The following SLC37A1 variants were observed in gnomAD, a reference collection of about 807,000 sequenced individuals.
SLC37A1 encodes solute carrier family 37 member 1.
In SLC37A1, 49 loss-of-function variants were observed where a neutral mutation model predicts 75.3. The ratio of observed to expected loss-of-function variants is 0.65; its 90% confidence interval spans 0.52 to 0.83. The LOEUF (loss-of-function observed/expected upper bound fraction) is 0.83, where lower values mean the gene tolerates loss of function less well. SLC37A1 is among the 40% of genes least tolerant of loss of function. SLC37A1 has a pLI of 0.00. For missense variants in SLC37A1, 566 were observed against 695.0 expected (o/e 0.81, Z 2.09); for synonymous variants, 268 against 292.1 (o/e 0.92, Z 0.84).
chr21:42,503,981 C>G (rs568689501), intron 2 of SLC37A1, among the ~76,000 whole-genome samples: 2 of 152,310 alleles, frequency 1.3e-5, no homozygotes, highest in East Asian at 1.9e-4. Flanking sequence ...GTGCTGTTAT[C>G]TATGACCCCA....
intron 10 of SLC37A1, among the ~76,000 whole-genome samples, chr21:42,555,054 C>T (rs1466691458): frequency 3.4e-5 from 5 of 146,308 alleles, no homozygotes; most frequent in South Asian, 2.2e-4. Context: ...GGCATGATCT[C>T]GGCTCACTGC....
chr21:42,543,681 T>G lies in SLC37A1; in HGVS notation c.730+79T>G, dbSNP rs545180046. ...TGCCTGGGTGGGCCTTGGGGGCGAG[T>G]GTGAGAGCTGCGTGGCCTAGCGCCC... On this transcript the variant is annotated intron_variant, in intron 8 of 19. Transcript: ENST00000352133. 7 of 1,435,492 alleles carry G rather than the reference T, an allele frequency of 4.9e-6. No individual in the cohort carries two copies. The Admixed American group carries it at 1.6e-4, about 33-fold the overall frequency. 88.9% of individuals were successfully genotyped at this position (1,435,492 alleles called of 1,614,324 possible).
chr21:42,513,939 C>G lies in SLC37A1; in HGVS notation c.-957C>G, dbSNP rs1018309821. ...CGGCGGCGCAGGTGAGGCGCGGGGC[C>G]GGGGCCGGACCGGGAGGCGGGGACC... On this transcript the variant is annotated 5_prime_UTR_variant, in exon 1 of 20. Transcript: ENST00000352133. The G allele has an allele frequency of 9.6e-5, 14 of 146,548 alleles. No individual in the cohort carries two copies. The highest frequency in any genetic ancestry group is 3.4e-4 in the African/African-American group (14 of 40,866). The allele number at this position is 146,548 out of a possible 1,614,324, so 9.1% of individuals were successfully genotyped here. A position where few individuals can be genotyped will look rare whatever the true frequency, so the allele number is the denominator to read the frequency against.
At position 42,539,550 on chromosome 21, in the gene SLC37A1, T is replaced by C; in HGVS notation, c.389T>C (p.Leu130Pro). Reference sequence around the variant, plus strand: ...GAGCGCCTGCCGATTAGGTATTACCTAACTTTCGGGATGCTCGCCAGCGGA... The same window carrying C: ...GAGCGCCTGCCGATTAGGTATTACCCAACTTTCGGGATGCTCGCCAGCGGA... ...IGERLPIRYY[L>P]TFGMLASGAF... Residue 130 changes from leucine (L) to proline (P), a missense_variant, in exon 6 of 20, where the codon CTA becomes CCA. By Grantham distance (98) the Leu-to-Pro change is moderately conservative. Coordinates refer to ENST00000352133, the MANE Select transcript of SLC37A1 (RefSeq NM_001320537.2). 1.2e-6 allele frequency: 2 copies of C among 1,613,954 alleles called. No individual in the cohort carries two copies. The highest frequency in any genetic ancestry group is 4.5e-5 in the East Asian group (2 of 44,818).
At chr21:42,534,913 T>TGCTAAA in intron 4 of SLC37A1, 83 bp downstream of exon 4, 1 of 1,487,358 alleles carries the variant, frequency 6.7e-7, no homozygotes, top group Non-Finnish European at 9.0e-7. Context: ...GCAGTAATGC[T>TGCTAAA]GTTCCCAGAT....
chr21:42,562,979 G>A (rs1489196353), intron 12 of SLC37A1, among the ~76,000 whole-genome samples: 1 of 152,200 alleles, frequency 6.6e-6, no homozygotes, highest in African/African-American at 2.4e-5. Context: ...AGAGGAGGAT[G>A]CTGGCAGCAC....
At chr21:42,574,045 A>G (rs903515458) in intron 17 of SLC37A1, among the ~76,000 whole-genome samples, 7 of 152,336 alleles carry the variant, frequency 4.6e-5, no homozygotes, top group Non-Finnish European at 8.8e-5. Flanking sequence ...ATGCACACAC[A>G]CATATATGCA....
At chr21:42,536,654 G>A (rs2146850192) in intron 5 of SLC37A1, among the ~76,000 whole-genome samples, 1 of 152,342 alleles carries the variant, frequency 6.6e-6, no homozygotes, top group Non-Finnish European at 1.5e-5. Flanking sequence ...ATGTGGTGGA[G>A]GGCGTCACCT....
chr21:42,566,911 C>T, intron 15 of SLC37A1, 74 bp from the exon 16 acceptor site: 1 of 1,506,508 alleles, frequency 6.6e-7, no homozygotes, highest in South Asian at 1.2e-5. Flanking sequence ...CAGGCGCCCA[C>T]CTCAGGCTGC....
upstream of SLC37A1, among the ~76,000 whole-genome samples, chr21:42,513,488 C>CA (rs1252765817): frequency 3.3e-5 from 5 of 152,022 alleles, no homozygotes; most frequent in Non-Finnish European, 7.4e-5. Flanking sequence ...GGCGCGGCGG[C>CA]ATGTGACCCT....
chr21:42,518,323 A>G lies in SLC37A1; in HGVS notation c.-132A>G, dbSNP rs1356305571. The G allele has an allele frequency of 2.7e-6, 3 of 1,127,340 alleles. No homozygotes were observed. Among genetic ancestry groups the G allele is most frequent in the African/African-American group, 3.1e-5 (2 of 65,542 alleles). 69.8% of individuals were successfully genotyped at this position (1,127,340 alleles called of 1,614,324 possible). A position where few individuals can be genotyped will look rare whatever the true frequency, so the allele number is the denominator to read the frequency against. On this transcript the variant is annotated 5_prime_UTR_variant, in exon 2 of 20. Transcript: ENST00000352133. ...GGAAGGGGACAAGACCCAGCAGGAC[A>G]CCTTCTTTCCACGCTTTCCAGCCTG...
rs369458325 is a variant in SLC37A1, at chr21:42,520,388, G to A, written c.56+1878G>A. Among the ~76,000 whole-genome samples, 193 of 152,188 alleles carry A rather than the reference G, an allele frequency of 1.3e-3. 3 individuals carry two copies. The South Asian group carries it at 0.023, about 18-fold the overall frequency. On this transcript the variant is annotated intron_variant, in intron 2 of 19. Transcript: ENST00000352133. ...AGACAATGGCCTTGTTGTGTTTGAA[G>A]AGTTCAAGCCACTTATTTTATAGAA...
At chr21:42,567,315 C>T (rs933350692) in intron 16 of SLC37A1, among the ~76,000 whole-genome samples, 2 of 152,200 alleles carry the variant, frequency 1.3e-5, no homozygotes, top group African/African-American at 2.4e-5. Flanking sequence ...ATGACTCAGG[C>T]GCCTTTTCAA....
chr21:42,507,648 G>A (rs934053641), intron 2 of SLC37A1, among the ~76,000 whole-genome samples: 11 of 152,336 alleles, frequency 7.2e-5, no homozygotes, highest in Admixed American at 3.9e-4. Flanking sequence ...GCACCAGCAC[G>A]TACTTCTTAC....
At chr21:42,563,343 A>G (rs1187631419) in intron 12 of SLC37A1, among the ~76,000 whole-genome samples, 1 of 152,180 alleles carries the variant, frequency 6.6e-6, no homozygotes, top group Non-Finnish European at 1.5e-5. Context: ...ACAGCCCCAG[A>G]TGCCGTGCAG....
intron 1 of SLC37A1, among the ~76,000 whole-genome samples, chr21:42,516,237 G>C (rs1259078885): frequency 1.3e-5 from 2 of 152,238 alleles, no homozygotes; most frequent in Admixed American, 1.3e-4. Context: ...CTCCCATTCT[G>C]CTGCCCTTTC....
chr21:42,574,297 T>C (rs921424442), intron 17 of SLC37A1, among the ~76,000 whole-genome samples: 1 of 152,236 alleles, frequency 6.6e-6, no homozygotes, highest in Non-Finnish European at 1.5e-5. Flanking sequence ...TGAATTCAGA[T>C]TTCCTTACGT....
chr21:42,551,800 T>G (rs1297175117), intron 9 of SLC37A1, among the ~76,000 whole-genome samples: 3 of 147,142 alleles, frequency 2.0e-5, no homozygotes, highest in Non-Finnish European at 3.0e-5. Flanking sequence ...ACCTCAATGG[T>G]TTTTTTTGTT....
chr21:42,541,249 C>T (rs1226492042), intron 6 of SLC37A1, among the ~76,000 whole-genome samples: 3 of 152,226 alleles, frequency 2.0e-5, no homozygotes, highest in African/African-American at 7.2e-5. Context: ...CTTGCTCTCC[C>T]ACTACTCACC....
Sources: gnomAD v4.1 joint callset for allele counts (sites outside exome capture counted in the v4.1 genomes callset) on GRCh38, gnomAD v4.1.1 for gene constraint, MANE v1.5 for transcripts, NCBI Gene and HGNC (gene_info 2026-07-23, HGNC 2026-07-21) for gene names.